Variants in TMEM59 observed in about 807,000 individuals in gnomAD.
TMEM59 encodes dendritic cell factor 1.
In TMEM59, 44 loss-of-function variants were observed where a neutral mutation model predicts 42.2. The observed-to-expected ratio is 1.04, with a 90% confidence interval of 0.82 to 1.34. The LOEUF (loss-of-function observed/expected upper bound fraction) is 1.34, where lower values mean the gene tolerates loss of function less well. Among genes scored for constraint, TMEM59 ranks in the 40% most tolerant of loss-of-function variants. TMEM59 has a pLI of 0.00. For synonymous variants in TMEM59, 148 were observed against 145.8 expected (o/e 1.02, Z -0.11); for missense variants, 359 against 382.8 (o/e 0.94, Z 0.52).
chr1:54,047,422 T>C, intron 1 of TMEM59, 50 bp from the exon 2 acceptor site: 3 of 1,466,572 alleles, frequency 2.0e-6, no homozygotes, highest in Non-Finnish European at 1.9e-6. Flanking sequence ...TATTTTTTTT[T>C]CCTCAGGGGA....
Position 54,045,793 on chromosome 1 carries a change from G to C in TMEM59, c.296-7C>G. ...GAATATGCTTCTGTACATGCTGTAA[G>C]AGAAAAATAGTCAAATTACAAGAAA... On this transcript the variant is annotated splice_polypyrimidine_tract_variant and splice_region_variant and intron_variant, in intron 2 of 7. Coordinates refer to ENST00000234831, the MANE Select transcript of TMEM59 (RefSeq NM_004872.5). 1 of 1,591,986 alleles carries C rather than the reference G, an allele frequency of 6.3e-7. No individual in the cohort carries two copies. The highest frequency in any genetic ancestry group is 8.6e-7 in the Non-Finnish European group (1 of 1,165,758).
chr1:54,045,385 GA>G (rs1366651635), intron 3 of TMEM59: 5 of 311,114 alleles, frequency 1.6e-5, no homozygotes, highest in Admixed American at 1.4e-4. Context: ...TTGGGATGGA[GA>G]AAAAGAACTC....
chr1:54,046,051 T>C (rs887761721), intron 2 of TMEM59, among the ~76,000 whole-genome samples: 19 of 152,130 alleles, frequency 1.2e-4, no homozygotes, highest in African/African-American at 4.6e-4. Flanking sequence ...TATAAGAGGA[T>C]CCTTGTGTGG....
intron 7 of TMEM59, among the ~76,000 whole-genome samples, chr1:54,035,293 T>C (rs995656933): frequency 6.6e-6 from 1 of 152,222 alleles, no homozygotes; most frequent in African/African-American, 2.4e-5. Flanking sequence ...GCCAATGGCT[T>C]ATTATTAGAT....
intron 7 of TMEM59, among the ~76,000 whole-genome samples, chr1:54,035,094 G>A (rs553727346): frequency 2.0e-5 from 3 of 152,248 alleles, no homozygotes; most frequent in South Asian, 2.1e-4. Context: ...AAATTTTAAC[G>A]ACTATATAAA....
At chr1:54,042,288 T>C in intron 4 of TMEM59, among the ~76,000 whole-genome samples, 1 of 152,158 alleles carries the variant, frequency 6.6e-6, no homozygotes, top group South Asian at 2.1e-4. Context: ...TTTTTACATC[T>C]TGTGTATAGT....
chr1:54,053,450 C>T (rs754477128), upstream of TMEM59: 388 of 497,770 alleles, frequency 7.8e-4, 1 homozygote, highest in Non-Finnish European at 1.2e-3. Context: ...CTGACTTCTT[C>T]CCTTCGCGGG....
chr1:54,047,004 C>A (rs987253433), intron 2 of TMEM59, among the ~76,000 whole-genome samples: 1 of 152,172 alleles, frequency 6.6e-6, no homozygotes, highest in South Asian at 2.1e-4. Context: ...AATTATACTG[C>A]ATTTGTCTGA....
rs757121736 is a variant in TMEM59, at chr1:54,043,361, C to T, written c.543+12G>A. ...TTAGTATTTAGATGAATCCATGAAG[C>T]TCAGTTGTCACCTGGAATATAACTA... On this transcript the variant is annotated intron_variant, in intron 4 of 7. Transcript: ENST00000234831. 26 of 1,524,686 alleles carry T rather than the reference C, an allele frequency of 1.7e-5. No homozygotes were observed. The South Asian group carries it at 3.0e-4, about 18-fold the overall frequency. 94.4% of individuals were successfully genotyped at this position (1,524,686 alleles called of 1,614,324 possible).
rs1019128073 is a variant in TMEM59 at position 54,041,862 on chromosome 1, A to G, written c.544-57T>C. 10 of 1,355,672 alleles carry G rather than the reference A, an allele frequency of 7.4e-6. No individual in the cohort carries two copies. The Admixed American group carries it at 9.0e-5, about 12-fold the overall frequency. 84.0% of individuals were successfully genotyped at this position (1,355,672 alleles called of 1,614,324 possible). On this transcript the variant is annotated intron_variant, in intron 4 of 7. Transcript: ENST00000234831. ...TGTACTTCTTTAGCTTTTTTCAGTAACAAGTTCTAAAACAAATCATCTCTT... is the reference window on the plus strand; with the variant it reads ...TGTACTTCTTTAGCTTTTTTCAGTAGCAAGTTCTAAAACAAATCATCTCTT...
chr1:54,046,856 T>C (rs868554605), intron 2 of TMEM59, among the ~76,000 whole-genome samples: 8 of 152,332 alleles, frequency 5.3e-5, no homozygotes, highest in Non-Finnish European at 1.0e-4. Context: ...GCCTGACCAA[T>C]GAATAATATG....
chr1:54,053,272 T>A (rs759034128), upstream of TMEM59: 87 of 1,515,170 alleles, frequency 5.7e-5, no homozygotes, highest in Non-Finnish European at 7.0e-5. Flanking sequence ...AGCCCCCTTC[T>A]CCGCCCCACC....
chr1:54,036,513 A>G, intron 7 of TMEM59, 97 bp downstream of exon 7: 1 of 832,186 alleles, frequency 1.2e-6, no homozygotes, highest in Non-Finnish European at 1.8e-6. Context: ...CTCTCTTTCT[A>G]TTAGTAGAAA....
In TMEM59 at chr1:54,038,173, C is replaced by T. The variant is rs573455352; in HGVS notation, c.708-1455G>A. On this transcript the variant is annotated intron_variant, in intron 6 of 7. Coordinates refer to ENST00000234831, the MANE Select transcript of TMEM59 (RefSeq NM_004872.5). Reference sequence around the variant, plus strand: ...TCTCTCTATTCCTGTTTTCCCAGTTCAGTCAAATTTCTGACTCTCCTTATC... The same window carrying T: ...TCTCTCTATTCCTGTTTTCCCAGTTTAGTCAAATTTCTGACTCTCCTTATC... Among the ~76,000 whole-genome samples, 4 of 152,284 alleles carry T rather than the reference C, an allele frequency of 2.6e-5. No homozygotes were observed. The South Asian group carries it at 8.3e-4, about 32-fold the overall frequency.
rs748949290 is a variant in TMEM59 at position 54,040,816 on chromosome 1, T to C, written c.647A>G (p.Gln216Arg). 6.2e-7 allele frequency: 1 copy of C among 1,613,768 alleles called. No individual in the cohort carries two copies. The highest frequency in any genetic ancestry group is 8.5e-7 in the Non-Finnish European group (1 of 1,179,810). ...KMSYLQMRNS[Q>R]AHRNFLEDGE... Reference sequence around the variant, plus strand: ...ATCTTCAAGAAAATTCCTGTGCGCTTGTGAATTTCTCATTTGCAGATCTGC... The same window carrying C: ...ATCTTCAAGAAAATTCCTGTGCGCTCGTGAATTTCTCATTTGCAGATCTGC... The change falls in exon 6 of 8, where the codon CAA becomes CGA. Residue 216 changes from glutamine (Q) to arginine (R), a missense_variant. Gln to Arg is a conservative substitution (Grantham distance 43). Coordinates refer to ENST00000234831, the MANE Select transcript of TMEM59 (RefSeq NM_004872.5).
At position 54,043,421 on chromosome 1, in the gene TMEM59, T is replaced by A. The variant is rs766744072; in HGVS notation, c.495A>T (p.Ser165=). The part of the protein sequence containing the change: ...MDSAQSFITS[S]WTFYLQADDG... ...CATCGGCTTGAAGATAAAAAGTCCATGAAGAGGTTATGAAGCTCTGTGCGG... is the reference window on the plus strand; with the variant it reads ...CATCGGCTTGAAGATAAAAAGTCCAAGAAGAGGTTATGAAGCTCTGTGCGG... Residue 165 remains serine, a synonymous_variant, in exon 4 of 8, where the codon TCA becomes TCT. Transcript: ENST00000234831. 20 of 1,577,136 alleles carry A rather than the reference T, an allele frequency of 1.3e-5. No homozygotes were observed. Among genetic ancestry groups the A allele is most frequent in the Non-Finnish European group, 1.6e-5 (19 of 1,162,658 alleles).
At chr1:54,044,065 C>G (rs1281939229) in intron 3 of TMEM59, 1 of 151,994 alleles carries the variant, frequency 6.6e-6, no homozygotes, top group Non-Finnish European at 1.5e-5. Context: ...TTTAATGGCC[C>G]AGCGTGGTGG....
chr1:54,040,109 C>A (rs1016194519), intron 6 of TMEM59, among the ~76,000 whole-genome samples: 2 of 152,046 alleles, frequency 1.3e-5, no homozygotes, highest in East Asian at 3.9e-4. Context: ...CAGATAAAAA[C>A]AAAAACAAAA....
chr1:54,047,463 GT>G, intron 1 of TMEM59, 91 bp from the exon 2 acceptor site: 1 of 1,005,406 alleles, frequency 9.9e-7, no homozygotes, highest in African/African-American at 1.7e-5. Flanking sequence ...AGTTAGTAAA[GT>G]TTATTACAAA....
Sources: allele counts gnomAD v4.1 joint callset (sites outside exome capture counted in the v4.1 genomes callset), GRCh38; gene constraint gnomAD v4.1.1; transcripts MANE v1.5; gene names NCBI Gene and HGNC (gene_info 2026-07-23, HGNC 2026-07-21).